ZNF510: variants seen among roughly 807,000 people sequenced by gnomAD.
ZNF510 encodes zinc finger protein 510.
In ZNF510, 15 loss-of-function variants were observed where a neutral mutation model predicts 18.1. The observed-to-expected ratio is 0.83, with a 90% CI of 0.55 to 1.28. The LOEUF is 1.28. ZNF510 is among the 50% of genes most tolerant of loss of function. The pLI, the probability that ZNF510 is intolerant of heterozygous loss-of-function variation, is 0.00. For missense variants in ZNF510, 724 were observed against 791.8 expected (o/e 0.91, Z 1.03); for synonymous variants, 261 against 266.4 (o/e 0.98, Z 0.20).
intron 5 of ZNF510, among the ~76,000 whole-genome samples, chr9:96,762,717 A>G (rs1229598022): frequency 6.6e-6 from 1 of 152,156 alleles, no homozygotes; most frequent in East Asian, 1.9e-4. Flanking sequence ...CTCCATGAAA[A>G]CTAATGAGAT....
intron 3 of ZNF510, among the ~76,000 whole-genome samples, chr9:96,773,733 G>A (rs950389432): frequency 2.2e-4 from 34 of 152,130 alleles, no homozygotes; most frequent in Admixed American, 1.8e-3. Context: ...CCGCCACCAC[G>A]CCCGGCTAAT....
At chr9:96,763,676 G>T in intron 3 of ZNF510, 44 bp from the exon 4 acceptor site, 1 of 1,514,548 alleles carries the variant, frequency 6.6e-7, no homozygotes, top group African/African-American at 1.4e-5. Flanking sequence ...TTCAGAATTA[G>T]ATGATGTAGA....
chr9:96,763,658 C>G, intron 3 of ZNF510, 26 bp from the exon 4 acceptor site: 1 of 1,566,158 alleles, frequency 6.4e-7, no homozygotes, highest in Non-Finnish European at 8.6e-7. Flanking sequence ...TCTATTCAAT[C>G]TGAAGGGTTC....
Position 96,755,008 on chromosome 9 carries a change from A to C in ZNF510, c.*3770T>G, listed in dbSNP as rs1461517371. ...TGCTAAGGAGATCAACCAGGCAAGGAGAGGGAGCATACATGACTAGAGCAC... is the reference window on the plus strand; with the variant it reads ...TGCTAAGGAGATCAACCAGGCAAGGCGAGGGAGCATACATGACTAGAGCAC... On this transcript the variant is annotated 3_prime_UTR_variant, in exon 6 of 6. Transcript: ENST00000223428. Among the ~76,000 whole-genome samples, 4 of 152,190 alleles carry C rather than the reference A, an allele frequency of 2.6e-5. No individual in the cohort carries two copies. Among genetic ancestry groups the C allele is most frequent in the Admixed American group, 6.5e-5 (1 of 15,278 alleles).
intron 3 of ZNF510, among the ~76,000 whole-genome samples, chr9:96,766,115 G>GTGTT (rs1263132604): frequency 1.3e-5 from 2 of 152,174 alleles, no homozygotes; most frequent in Non-Finnish European, 2.9e-5. Flanking sequence ...TATTAGTTCA[G>GTGTT]TGTTTGTAGT....
intron 3 of ZNF510, among the ~76,000 whole-genome samples, chr9:96,770,040 A>G (rs1414218696): frequency 1.3e-5 from 2 of 152,236 alleles, no homozygotes; most frequent in Admixed American, 6.5e-5. Context: ...AAGAGTTACC[A>G]TATGAGTCAG....
In ZNF510 at chr9:96,755,519, TAC is replaced by T. The variant is rs1375871782; in HGVS notation, c.*3257_*3258del. On this transcript the variant is annotated 3_prime_UTR_variant, in exon 6 of 6. Coordinates refer to ENST00000223428, the MANE Select transcript of ZNF510 (RefSeq NM_014930.3). ...TTCTTGGTAAGGCTGCTGGCAGTTC[TAC>T]AGTTACAATGTAACTGGCCTATGAT... Among the ~76,000 whole-genome samples the T allele has an allele frequency of 2.0e-5, 3 of 152,224 alleles. No homozygotes were observed. Among genetic ancestry groups the T allele is most frequent in the African/African-American group, 7.2e-5 (3 of 41,470 alleles).
rs1849261774 is a variant in ZNF510 at position 96,758,942 on chromosome 9, A to G, written c.1888T>C (p.Cys630Arg). 1 of 1,614,030 alleles carries G rather than the reference A, an allele frequency of 6.2e-7. No individual in the cohort carries two copies. The highest frequency in any genetic ancestry group is 8.5e-7 in the Non-Finnish European group (1 of 1,179,988). Residue 630 changes from cysteine to arginine, a missense_variant, in exon 6 of 6, where the codon TGT (cysteine) becomes CGT (arginine). Transcript: ENST00000223428. ...CCAAAAGTTTTCCCACATTTATTACACTGAAAGGGTTTCTCCCCTGTGTGA... is the reference window on the plus strand; with the variant it reads ...CCAAAAGTTTTCCCACATTTATTACGCTGAAAGGGTTTCTCCCCTGTGTGA... Reference protein sequence around the residue: ...RIHTGEKPFQCNKCGKTFGQK... With the variant: ...RIHTGEKPFQRNKCGKTFGQK...
rs1849747165 is a variant in ZNF510 at position 96,778,074 on chromosome 9, A to C, written c.-217T>G. Reference sequence around the variant, plus strand: ...TCTGCACCAGCAAACACTAACAGGGAGAAGCCGGAAAGTGGGGTTGACTGC... The same window carrying C: ...TCTGCACCAGCAAACACTAACAGGGCGAAGCCGGAAAGTGGGGTTGACTGC... On this transcript the variant is annotated 5_prime_UTR_variant, in exon 1 of 6. Coordinates refer to ENST00000223428, the MANE Select transcript of ZNF510 (RefSeq NM_014930.3). The C allele has an allele frequency of 6.6e-6, 1 of 152,290 alleles. No individual in the cohort carries two copies. The highest frequency in any genetic ancestry group is 2.4e-5 in the African/African-American group (1 of 41,458). 9.4% of individuals were successfully genotyped at this position (152,290 alleles called of 1,614,324 possible).
rs920370069 is a variant in ZNF510 at position 96,759,158 on chromosome 9, G to C, written c.1672C>G (p.His558Asp). The C allele has an allele frequency of 6.2e-7, 1 of 1,613,858 alleles. No homozygotes were observed. The highest frequency in any genetic ancestry group is 8.5e-7 in the Non-Finnish European group (1 of 1,179,952). ...ECEKSFWRKDHLIQHQKTHTG... is the reference protein window; with the variant it reads ...ECEKSFWRKDDLIQHQKTHTG... ...TGAGTTTTCTGATGTTGAATGAGAT[G>C]ATCTTTTCGCCAGAAGGATTTTTCA... Residue 558 changes from histidine (H) to aspartate (D), a missense_variant, in exon 6 of 6, where the codon CAT (histidine) becomes GAT (aspartate). Transcript: ENST00000223428.
chr9:96,765,299 C>T (rs1185226236), intron 3 of ZNF510, among the ~76,000 whole-genome samples: 1 of 152,086 alleles, frequency 6.6e-6, no homozygotes, highest in Admixed American at 6.6e-5. Context: ...TATTTGCAAC[C>T]TCAAAATCAA....
rs1453240118 is a variant in ZNF510 at position 96,758,296 on chromosome 9, T to G, written c.*482A>C. The G allele has an allele frequency of 6.5e-6, 1 of 154,380 alleles. No homozygotes were observed. Among genetic ancestry groups the G allele is most frequent in the Non-Finnish European group, 1.4e-5 (1 of 69,548 alleles). 9.6% of individuals were successfully genotyped at this position (154,380 alleles called of 1,614,324 possible). ...CCTAGAAATGATATCCATTTTGTTGTGACAGGGCCCTGGTAATTTATTAGG... is the reference window on the plus strand; with the variant it reads ...CCTAGAAATGATATCCATTTTGTTGGGACAGGGCCCTGGTAATTTATTAGG... On this transcript the variant is annotated 3_prime_UTR_variant, in exon 6 of 6. Coordinates refer to ENST00000223428, the MANE Select transcript of ZNF510 (RefSeq NM_014930.3).
chr9:96,766,891 T>C (rs943310687), intron 3 of ZNF510, among the ~76,000 whole-genome samples: 27 of 152,120 alleles, frequency 1.8e-4, no homozygotes, highest in African/African-American at 6.5e-4. Context: ...GCTACTCAAC[T>C]CCATCTAATA....
At position 96,776,064 on chromosome 9, in the gene ZNF510, C is replaced by G; in HGVS notation, c.6G>C (p.Ser2=). The change falls in exon 2 of 6, where the codon TCG becomes TCC. Residue 2 remains serine, a synonymous_variant. Transcript: ENST00000223428. M[S]PHPEAITDCV... is the part of the protein sequence containing the mutation. The stretch of plus-strand genomic sequence containing the variant: ...AATCTGTGATGGCTTCTGGATGTGG[C>G]GACATCACCAAGTCTGGTGCTCTCT... The G allele has an allele frequency of 1.9e-6, 3 of 1,603,086 alleles. No individual in the cohort carries two copies. Among genetic ancestry groups the G allele is most frequent in the Non-Finnish European group, 2.6e-6 (3 of 1,174,242 alleles).
Position 96,763,210 on chromosome 9 carries a change from T to TA in ZNF510, c.259dup (p.Tyr87LeufsTer37). On this transcript the variant is annotated frameshift_variant, in exon 5 of 6. Coordinates refer to ENST00000223428, the MANE Select transcript of ZNF510 (RefSeq NM_014930.3). LOFTEE classifies it high-confidence loss of function. ...GATCACCTCTGGTTTGAAACAGCAG[T>TA]ACCCTGTTAATAAAACACAATCGAG... 6.2e-7 allele frequency: 1 copy of TA among 1,613,870 alleles called. No individual in the cohort carries two copies. The highest frequency in any genetic ancestry group is 1.3e-5 in the African/African-American group (1 of 75,040).
intron 3 of ZNF510, among the ~76,000 whole-genome samples, chr9:96,774,058 T>C (rs536997675): frequency 1.3e-5 from 2 of 152,366 alleles, no homozygotes; most frequent in South Asian, 4.1e-4. Flanking sequence ...TCCCCTCTCT[T>C]ATTATTCCCT....
chr9:96,775,899 C>T, intron 2 of ZNF510, 101 bp downstream of exon 2: 1 of 1,461,982 alleles, frequency 6.8e-7, no homozygotes, highest in South Asian at 1.3e-5. Context: ...TCAGCCCTGG[C>T]TGGTTATGCC....
Position 96,759,264 on chromosome 9 carries a change from T to C in ZNF510, c.1566A>G (p.Gly522=), listed in dbSNP as rs773924031. The part of the protein sequence containing the change: ...GEKSFQCNQC[G]KTFGQKSNLR... ...GGTTTGACTTCTGGCCAAATGTTTT[T>C]CCACATTGATTGCATTGAAAGGATT... The change falls in exon 6 of 6, where the codon GGA becomes GGG. Residue 522 remains glycine, a synonymous_variant. Transcript: ENST00000223428. 1.9e-6 allele frequency: 3 copies of C among 1,612,922 alleles called. No individual in the cohort carries two copies. In the Admixed American group the frequency reaches 5.0e-5, roughly 27 times the overall value.
In ZNF510 at chr9:96,774,817, G is replaced by A; in HGVS notation, c.100C>T (p.Gln34Ter). The change falls in exon 3 of 6, where the codon CAG (glutamine) becomes TAG (stop). Residue 34 changes from glutamine (Q) to a stop codon, truncating the protein, a stop_gained. Coordinates refer to ENST00000223428, the MANE Select transcript of ZNF510 (RefSeq NM_014930.3). LOFTEE classifies it high-confidence loss of function. ...GATATGTTCATTTTCTGCTGCTCCT[G>A]AAAGAGTGTGGAGAACCGTAAAGGA... Reference protein sequence around the residue: ...GYPLRFSTLFQEQQKMNISQA... With the variant: ...GYPLRFSTLF 2 of 1,614,022 alleles carry A rather than the reference G, an allele frequency of 1.2e-6. No homozygotes were observed. The highest frequency in any genetic ancestry group is 1.7e-6 in the Non-Finnish European group (2 of 1,179,994).
Sources: gnomAD v4.1 joint callset for allele counts (sites outside exome capture counted in the v4.1 genomes callset) on GRCh38, gnomAD v4.1.1 for gene constraint, MANE v1.5 for transcripts, NCBI Gene and HGNC (gene_info 2026-07-23, HGNC 2026-07-21) for gene names.